SRGAP3: variants seen among roughly 807,000 people sequenced by gnomAD.
SRGAP3 encodes SLIT-ROBO Rho GTPase-activating protein 3.
A neutral mutation model predicts 121.1 loss-of-function variants in SRGAP3; 39 were observed. The ratio of observed to expected loss-of-function variants is 0.32; its 90% CI spans 0.25 to 0.42. The LOEUF (loss-of-function observed/expected upper bound fraction) is 0.42, where lower values mean the gene tolerates loss of function less well. Among genes scored for constraint, SRGAP3 ranks in the 10% least tolerant of loss-of-function variants. SRGAP3 has a pLI of 1.00. For missense variants in SRGAP3, 1,213 were observed against 1,470.6 expected (o/e 0.82, Z 2.86); for synonymous variants, 601 against 570.0 (o/e 1.05, Z -0.77).
At chr3:9,168,851 C>T (rs1196608096) in intron 1 of SRGAP3, among the ~76,000 whole-genome samples, 1 of 152,234 alleles carries the variant, frequency 6.6e-6, no homozygotes, top group African/African-American at 2.4e-5. Context: ...CATGAATATG[C>T]ATATTTATAT....
chr3:9,320,200 G>A (rs1009848606), intron 3 of SRGAP3, among the ~76,000 whole-genome samples: 2 of 151,844 alleles, frequency 1.3e-5, no homozygotes, highest in Admixed American at 6.5e-5. Context: ...ATGTCCATCC[G>A]GACCATCTCC....
chr3:9,313,590 T>C (rs547173092), intron 3 of SRGAP3, among the ~76,000 whole-genome samples: 1 of 151,618 alleles, frequency 6.6e-6, no homozygotes, highest in Non-Finnish European at 1.5e-5. Flanking sequence ...GGCAGGAGAA[T>C]TGCTTGAACC....
intron 2 of SRGAP3, among the ~76,000 whole-genome samples, chr3:9,123,146 A>C (rs763712990): frequency 3.8e-4 from 58 of 152,212 alleles, no homozygotes; most frequent in Non-Finnish European, 7.1e-4. Flanking sequence ...TCATAAAGAC[A>C]TAAAGTAGAA....
intron 11 of SRGAP3, chr3:9,036,232 A>T (rs1256684277): frequency 6.6e-6 from 1 of 152,242 alleles, no homozygotes; most frequent in African/African-American, 2.4e-5. Context: ...ATCCTGCTCA[A>T]ATAACCATCC....
chr3:9,269,563 C>T (rs1954434272), intron 3 of SRGAP3, among the ~76,000 whole-genome samples: 1 of 152,204 alleles, frequency 6.6e-6, no homozygotes. Context: ...ATAAATGAGA[C>T]AAGGTTTATT....
At chr3:9,302,768 G>T (rs1477988642) in intron 3 of SRGAP3, among the ~76,000 whole-genome samples, 1 of 152,084 alleles carries the variant, frequency 6.6e-6, no homozygotes, top group African/African-American at 2.4e-5. Context: ...GCCACCTGGC[G>T]AACCGCTCTG....
At chr3:9,290,314 T>C (rs13098736) in intron 3 of SRGAP3, among the ~76,000 whole-genome samples, 37,016 of 152,132 alleles carry the variant, frequency 0.24, 5,691 homozygotes, top group Admixed American at 0.38. Flanking sequence ...AGGTATCTTT[T>C]CTGCCATACT....
At chr3:9,159,393 CCTT>C (rs1370407902) in intron 1 of SRGAP3, among the ~76,000 whole-genome samples, 1 of 152,246 alleles carries the variant, frequency 6.6e-6, no homozygotes, top group Non-Finnish European at 1.5e-5. Context: ...CCACCCACCT[CCTT>C]CTTATCTCTG....
intron 3 of SRGAP3, among the ~76,000 whole-genome samples, chr3:9,258,304 C>T (rs1954178986): frequency 6.6e-6 from 1 of 152,104 alleles, no homozygotes; most frequent in African/African-American, 2.4e-5. Flanking sequence ...GAAAGTATTC[C>T]CAGCTAAGGG....
intron 1 of SRGAP3, among the ~76,000 whole-genome samples, chr3:9,184,052 T>C (rs1006608103): frequency 4.6e-5 from 7 of 152,106 alleles, no homozygotes; most frequent in Non-Finnish European, 8.8e-5. Context: ...TTGAAAAAAA[T>C]ACTCCCTGCA....
At chr3:9,362,118 T>G (rs968457442) in intron 1 of SRGAP3, among the ~76,000 whole-genome samples, 1 of 151,666 alleles carries the variant, frequency 6.6e-6, no homozygotes, top group African/African-American at 2.4e-5. Context: ...GACTGGAAGC[T>G]AGGCTTCCCA....
chr3:9,143,089 C>T (rs115727899), intron 1 of SRGAP3, among the ~76,000 whole-genome samples: 1,632 of 152,184 alleles, frequency 0.011, 17 homozygotes, highest in Middle Eastern at 0.017. Context: ...ATCCTCCTGC[C>T]TCAGTCTCCC....
chr3:9,343,400 C>T (rs1227610318), intron 1 of SRGAP3, among the ~76,000 whole-genome samples: 2 of 152,150 alleles, frequency 1.3e-5, no homozygotes, highest in African/African-American at 4.8e-5. Context: ...TTGCCTTTTT[C>T]CCGAACTACT....
intron 1 of SRGAP3, among the ~76,000 whole-genome samples, chr3:9,159,381 C>T (rs1234239346): frequency 6.6e-6 from 1 of 152,230 alleles, no homozygotes; most frequent in Non-Finnish European, 1.5e-5. Flanking sequence ...CGCCTGGCCT[C>T]ACCACCCACC....
chr3:9,109,640 G>A lies in SRGAP3; in HGVS notation c.261-4798C>T, dbSNP rs1309246791. 6.6e-6 allele frequency among the ~76,000 whole-genome samples: 1 copy of A among 152,134 alleles called. No homozygotes were observed. The highest frequency in any genetic ancestry group is 1.5e-5 in the Non-Finnish European group (1 of 68,024). On this transcript the variant is annotated intron_variant, in intron 2 of 21. Coordinates refer to ENST00000383836, the MANE Select transcript of SRGAP3 (RefSeq NM_014850.4). This position sits in a 1 kb window ranked among gnomAD's most constrained non-coding sequence, Gnocchi z 4.4. ...CCACTTGAGTAAGGAGATTCACAAGGAACAGAAAGTGATGAGGCAGCCTCA... is the reference window on the plus strand; with the variant it reads ...CCACTTGAGTAAGGAGATTCACAAGAAACAGAAAGTGATGAGGCAGCCTCA...
At chr3:9,247,553 G>A (rs1460156916) in intron 1 of SRGAP3, among the ~76,000 whole-genome samples, 1 of 152,156 alleles carries the variant, frequency 6.6e-6, no homozygotes, top group Non-Finnish European at 1.5e-5. Context: ...GGCAGCTGCG[G>A]TGCCCAGCCT....
chr3:9,087,285 T>G (rs1320296117), intron 3 of SRGAP3, among the ~76,000 whole-genome samples: 1 of 152,034 alleles, frequency 6.6e-6, no homozygotes, highest in Non-Finnish European at 1.5e-5. Context: ...TAGCACCATA[T>G]GAGGCACAGA....
chr3:9,316,573 T>G (rs996522965), intron 3 of SRGAP3, among the ~76,000 whole-genome samples: 7 of 151,996 alleles, frequency 4.6e-5, no homozygotes, highest in Admixed American at 3.3e-4. Context: ...GGCAGGAGAA[T>G]GGCTTGAACC....
chr3:9,067,518 T>C (rs1178833185), intron 4 of SRGAP3, among the ~76,000 whole-genome samples: 1 of 152,050 alleles, frequency 6.6e-6, no homozygotes, highest in Non-Finnish European at 1.5e-5. Flanking sequence ...GACCAGAATA[T>C]GTGCCATATT....
Sources: allele counts gnomAD v4.1 joint callset (sites outside exome capture counted in the v4.1 genomes callset), GRCh38; gene constraint gnomAD v4.1.1; non-coding constraint Gnocchi (gnomAD v3.1); transcripts MANE v1.5; gene names NCBI Gene and HGNC (gene_info 2026-07-23, HGNC 2026-07-21).